VPS26B: variants seen among roughly 807,000 people sequenced by gnomAD.
The protein encoded by VPS26B is VPS26 retromer complex component B.
Under a neutral mutation model 33.3 loss-of-function variants are expected in VPS26B, and 10 were observed. The observed-to-expected ratio is 0.30, with a 90% CI of 0.19 to 0.51. VPS26B has a LOEUF of 0.51. VPS26B is among the 20% of genes least tolerant of loss of function. VPS26B has a pLI of 0.98. For synonymous variants in VPS26B, 190 were observed against 176.9 expected (o/e 1.07, Z -0.59); for missense variants, 317 against 452.7 (o/e 0.70, Z 2.72).
rs1038433406 is a variant in VPS26B, at chr11:134,246,731, C to T, written c.*1141C>T. ...GACCCAAGTTTAGGACCATTGGTAT[C>T]GTGTGTTTAAAAAACACATATAAAA... On this transcript the variant is annotated 3_prime_UTR_variant, in exon 6 of 6. Transcript: ENST00000281187. 3 of 152,202 alleles carry T rather than the reference C, an allele frequency of 2.0e-5. No homozygotes were observed. Among genetic ancestry groups the T allele is most frequent in the South Asian group, 2.1e-4 (1 of 4,812 alleles). 9.4% of individuals were successfully genotyped at this position (152,202 alleles called of 1,614,324 possible).
intron 4 of VPS26B, 28 bp downstream of exon 4, chr11:134,243,322 A>C: frequency 1.2e-6 from 2 of 1,612,510 alleles, no homozygotes; most frequent in Non-Finnish European, 1.7e-6. Context: ...GGCCTCGGCT[A>C]CCACAGCTTT....
At chr11:134,226,293 C>A (rs576372034) in intron 1 of VPS26B, among the ~76,000 whole-genome samples, 1 of 152,120 alleles carries the variant, frequency 6.6e-6, no homozygotes, top group African/African-American at 2.4e-5. Context: ...GTAGTCCTAG[C>A]TCCTCGGGGG....
chr11:134,225,826 C>A (rs1226855128), intron 1 of VPS26B, among the ~76,000 whole-genome samples: 3 of 152,136 alleles, frequency 2.0e-5, no homozygotes, highest in African/African-American at 7.2e-5. Flanking sequence ...GAGCCCGCAC[C>A]AACCCGTTTT....
chr11:134,226,423 TAAAC>T (rs944144817), intron 1 of VPS26B, among the ~76,000 whole-genome samples: 7 of 152,038 alleles, frequency 4.6e-5, no homozygotes, highest in South Asian at 2.1e-4. Flanking sequence ...AATAAACAAA[TAAAC>T]AAATAAGAAC....
At chr11:134,241,930 CAG>C (rs1240172357) in intron 3 of VPS26B, among the ~76,000 whole-genome samples, 3 of 152,246 alleles carry the variant, frequency 2.0e-5, no homozygotes, top group African/African-American at 7.2e-5. Flanking sequence ...TTCAAACACA[CAG>C]AAAGTGTGAG....
chr11:134,238,856 A>C (rs914367854), intron 2 of VPS26B, among the ~76,000 whole-genome samples: 1 of 152,028 alleles, frequency 6.6e-6, no homozygotes, highest in African/African-American at 2.4e-5. Context: ...CTGCCTCCCA[A>C]AGTGCTGGGA....
Position 134,225,108 on chromosome 11 carries a change from C to T in VPS26B, c.-15C>T, listed in dbSNP as rs941672157. ...GGAGCGGTCCTTACCGAGACCCGCC[C>T]GGCCCGGCGGTGCGATGAGCTTCTT... On this transcript the variant is annotated 5_prime_UTR_variant, in exon 1 of 6. Transcript: ENST00000281187. The T allele has an allele frequency of 6.3e-7, 1 of 1,588,368 alleles. No individual in the cohort carries two copies. Among genetic ancestry groups the T allele is most frequent in the Non-Finnish European group, 8.6e-7 (1 of 1,165,830 alleles).
chr11:134,241,839 G>A (rs1378902982), intron 3 of VPS26B, among the ~76,000 whole-genome samples: 1 of 152,238 alleles, frequency 6.6e-6, no homozygotes, highest in Non-Finnish European at 1.5e-5. Context: ...ACACTAAGAA[G>A]TTGGGCGGTC....
chr11:134,241,347 AG>A (rs1423217911), intron 3 of VPS26B, among the ~76,000 whole-genome samples: 1 of 152,188 alleles, frequency 6.6e-6, no homozygotes, highest in African/African-American at 2.4e-5. Context: ...TTCTTGGAAC[AG>A]GGTTGGAGGA....
rs370688819 is a variant in VPS26B, at chr11:134,225,068, G to A, written c.-55G>A. On this transcript the variant is annotated 5_prime_UTR_variant, in exon 1 of 6. Transcript: ENST00000281187. ...TGGCCTTCTTTACCTAGGGCAGCCCGCGCCCCGGTGCGAGGGAGCGGTCCT... is the reference window on the plus strand; with the variant it reads ...TGGCCTTCTTTACCTAGGGCAGCCCACGCCCCGGTGCGAGGGAGCGGTCCT... 2.0e-6 allele frequency: 3 copies of A among 1,512,166 alleles called. No individual in the cohort carries two copies. The highest frequency in any genetic ancestry group is 2.7e-6 in the Non-Finnish European group (3 of 1,119,258). The allele number at this position is 1,512,166 out of a possible 1,614,324, so 93.7% of individuals were successfully genotyped here. A position where few individuals can be genotyped will look rare whatever the true frequency, so the allele number is the denominator to read the frequency against.
intron 2 of VPS26B, among the ~76,000 whole-genome samples, chr11:134,237,647 GGA>G (rs1938651956): frequency 5.9e-5 from 9 of 152,212 alleles, no homozygotes; most frequent in Admixed American, 5.2e-4. Flanking sequence ...GGCAGGAGGA[GGA>G]GAGGGGGGTG....
Position 134,240,241 on chromosome 11 carries a change from T to C in VPS26B, c.545+86T>C, listed in dbSNP as rs984855809. 18 of 1,470,332 alleles carry C rather than the reference T, an allele frequency of 1.2e-5. No homozygotes were observed. The highest frequency in any genetic ancestry group is 1.7e-5 in the Non-Finnish European group (18 of 1,066,368). The allele number at this position is 1,470,332 out of a possible 1,614,324, so 91.1% of individuals were successfully genotyped here. On this transcript the variant is annotated intron_variant, in intron 3 of 5. Coordinates refer to ENST00000281187, the MANE Select transcript of VPS26B (RefSeq NM_052875.5). The surrounding 1 kb of genome is among the most constrained non-coding windows in gnomAD (Gnocchi z 4.4). ...ATGCAGATGCAAACTGATGACCCTC[T>C]GTGACTCGACTGCTTTGTGGTGGCA...
At chr11:134,228,260 G>A (rs1216058978) in intron 1 of VPS26B, among the ~76,000 whole-genome samples, 1 of 150,748 alleles carries the variant, frequency 6.6e-6, no homozygotes, top group Admixed American at 6.6e-5. Context: ...AGTCTATTTG[G>A]AGGCACAGAG....
chr11:134,236,345 A>G (rs532193665), intron 2 of VPS26B: 10 of 151,996 alleles, frequency 6.6e-5, no homozygotes, highest in Non-Finnish European at 1.5e-4. Context: ...TTTGCAGTGG[A>G]TTTGTCTTAA....
chr11:134,243,106 T>C lies in VPS26B; in HGVS notation c.546-13T>C. The C allele has an allele frequency of 6.2e-7, 1 of 1,614,038 alleles. No individual in the cohort carries two copies. The highest frequency in any genetic ancestry group is 8.5e-7 in the Non-Finnish European group (1 of 1,179,900). ...GTACCAACATCTTACTTTCTGTACTTTCTGTTCCCCAGATACCACTTGAAA... is the reference window on the plus strand; with the variant it reads ...GTACCAACATCTTACTTTCTGTACTCTCTGTTCCCCAGATACCACTTGAAA... On this transcript the variant is annotated splice_polypyrimidine_tract_variant and intron_variant, in intron 3 of 5. Coordinates refer to ENST00000281187, the MANE Select transcript of VPS26B (RefSeq NM_052875.5).
rs1240592909 is a variant in VPS26B, at chr11:134,244,098, C to T, written c.721+804C>T. 4 of 152,204 alleles carry T rather than the reference C, an allele frequency of 2.6e-5. No homozygotes were observed. Among genetic ancestry groups the T allele is most frequent in the African/African-American group, 9.7e-5 (4 of 41,442 alleles). 9.4% of individuals were successfully genotyped at this position (152,204 alleles called of 1,614,324 possible). A position where few individuals can be genotyped will look rare whatever the true frequency, so the allele number is the denominator to read the frequency against. On this transcript the variant is annotated intron_variant, in intron 4 of 5. Transcript: ENST00000281187. The surrounding 1 kb of genome is among the most constrained non-coding windows in gnomAD (Gnocchi z 4.0). ...CACGCGGGTGTTACCATGCCAGGCC[C>T]TTGGAGGGTTGGGACCAAGCTCTCC...
intron 3 of VPS26B, among the ~76,000 whole-genome samples, chr11:134,241,117 TATTCCTGAGA>T (rs1938718580): frequency 1.3e-5 from 2 of 152,206 alleles, no homozygotes; most frequent in South Asian, 4.1e-4. Flanking sequence ...TTGAATATGA[TATTCCTGAGA>T]ATGTTTGGAA....
chr11:134,245,394 C>T lies in VPS26B; in HGVS notation c.865-50C>T, dbSNP rs751663476. On this transcript the variant is annotated intron_variant, in intron 5 of 5. Coordinates refer to ENST00000281187, the MANE Select transcript of VPS26B (RefSeq NM_052875.5). The surrounding 1 kb of genome is among the most constrained non-coding windows in gnomAD (Gnocchi z 4.7). Reference sequence around the variant, plus strand: ...AGTTGGGAGCCTCTAGGAAACCTGTCCCCATGCCTCCCTCTAAGGTGTCAC... The same window carrying T: ...AGTTGGGAGCCTCTAGGAAACCTGTTCCCATGCCTCCCTCTAAGGTGTCAC... 4.4e-6 allele frequency: 7 copies of T among 1,606,356 alleles called. No homozygotes were observed. Among genetic ancestry groups the T allele is most frequent in the Non-Finnish European group, 6.0e-6 (7 of 1,173,914 alleles).
rs1938710567 is a variant in VPS26B, at chr11:134,240,796, T to TCC, written c.545+641_545+642insCC. On this transcript the variant is annotated intron_variant, in intron 3 of 5. Coordinates refer to ENST00000281187, the MANE Select transcript of VPS26B (RefSeq NM_052875.5). The surrounding 1 kb of genome is among the most constrained non-coding windows in gnomAD (Gnocchi z 4.4). The stretch of plus-strand genomic sequence containing the variant: ...GTCCGTGTGTGTGTGTGTGTGTCCG[T>TCC]GTGTGTGTGTGTGTGTGTGTGTGTG... Among the ~76,000 whole-genome samples, 2 of 136,916 alleles carry TCC rather than the reference T, an allele frequency of 1.5e-5. No homozygotes were observed. The highest frequency in any genetic ancestry group is 2.7e-5 in the African/African-American group (1 of 37,060). 89.8% of individuals were successfully genotyped at this position (136,916 alleles called of 152,430 possible).
Sources: gnomAD v4.1 joint callset for allele counts (sites outside exome capture counted in the v4.1 genomes callset) on GRCh38, gnomAD v4.1.1 for gene constraint, Gnocchi (gnomAD v3.1) non-coding constraint, MANE v1.5 for transcripts, NCBI Gene and HGNC (gene_info 2026-07-23, HGNC 2026-07-21) for gene names.